Variants in B4GALT5 observed in about 807,000 individuals in gnomAD.
B4GALT5 encodes the protein beta-1,4-galactosyltransferase 5, also known as UDP-Gal:beta-GlcNAc beta-1,4-galactosyltransferase 5.
Under a neutral mutation model 45.0 loss-of-function variants are expected in B4GALT5, and 11 were observed. The ratio of observed to expected loss-of-function variants is 0.24; its 90% confidence interval spans 0.15 to 0.40. The LOEUF (loss-of-function observed/expected upper bound fraction) is 0.40. Ranked by LOEUF, B4GALT5 falls within the 10% of genes least tolerant of loss-of-function variation. The probability of loss-of-function intolerance (pLI) is 1.00; values close to 1 mark genes in which losing one functional copy is unlikely to be tolerated. For synonymous variants in B4GALT5, 185 were observed against 182.9 expected (o/e 1.01, Z -0.09); for missense variants, 337 against 500.2 (o/e 0.67, Z 3.11).
At chr20:49,663,675 GAA>G (rs869246702) in intron 1 of B4GALT5, among the ~76,000 whole-genome samples, 470 of 2,950 alleles carry the variant, frequency 0.16, 23 homozygotes, top group Non-Finnish European at 0.19. Flanking sequence ...TTCATCTCAA[GAA>G]AAAAAAAAAA....
chr20:49,675,814 G>A (rs765650909), intron 1 of B4GALT5, among the ~76,000 whole-genome samples: 5 of 152,068 alleles, frequency 3.3e-5, no homozygotes, highest in East Asian at 1.9e-4. Context: ...CCAACTGTCC[G>A]TTTCACAATT....
At chr20:49,656,778 AT>A (rs536139427) in intron 1 of B4GALT5, 76 bp from the exon 2 acceptor site, 56 of 1,517,962 alleles carry the variant, frequency 3.7e-5, no homozygotes, top group South Asian at 2.5e-4. Flanking sequence ...ATAGCTATGG[AT>A]TTTTTTTTCT....
intron 1 of B4GALT5, among the ~76,000 whole-genome samples, chr20:49,683,944 C>CA (rs975197437): frequency 1.3e-5 from 2 of 150,312 alleles, no homozygotes; most frequent in Non-Finnish European, 3.0e-5. Flanking sequence ...AGTTTGAGAC[C>CA]AGCCTGGCCA....
chr20:49,679,079 A>G (rs1600546245), intron 1 of B4GALT5, among the ~76,000 whole-genome samples: 1 of 152,218 alleles, frequency 6.6e-6, no homozygotes, highest in Non-Finnish European at 1.5e-5. Context: ...AATGGATACT[A>G]TGATCTTCCT....
chr20:49,702,509 A>T (rs2146360440), intron 1 of B4GALT5, among the ~76,000 whole-genome samples: 1 of 152,284 alleles, frequency 6.6e-6, no homozygotes, highest in African/African-American at 2.4e-5. Context: ...AATAGAAAAT[A>T]TTTGTAAATC....
intron 1 of B4GALT5, among the ~76,000 whole-genome samples, chr20:49,690,636 C>T (rs1272076394): frequency 6.6e-6 from 1 of 151,618 alleles, no homozygotes; most frequent in Non-Finnish European, 1.5e-5. Flanking sequence ...TTAATACTTA[C>T]AAAAAGTTGC....
chr20:49,647,100 G>A (rs750571813), intron 2 of B4GALT5, 22 bp from the exon 3 acceptor site: 9 of 1,524,076 alleles, frequency 5.9e-6, no homozygotes, highest in African/African-American at 5.5e-5. Flanking sequence ...AAGGAAAAAA[G>A]TCGATCAGAC....
At chr20:49,678,552 T>C (rs1255555802) in intron 1 of B4GALT5, among the ~76,000 whole-genome samples, 1 of 152,204 alleles carries the variant, frequency 6.6e-6, no homozygotes, top group Non-Finnish European at 1.5e-5. Flanking sequence ...CTGGCCAAGA[T>C]ATCTTGAAAG....
At chr20:49,669,588 C>T (rs984402413) in intron 1 of B4GALT5, among the ~76,000 whole-genome samples, 1 of 150,758 alleles carries the variant, frequency 6.6e-6, no homozygotes, top group South Asian at 2.1e-4. Context: ...CCCAGTTACT[C>T]GGGAGGCTGA....
chr20:49,645,331 C>T (rs1307794828), intron 3 of B4GALT5, among the ~76,000 whole-genome samples: 1 of 152,152 alleles, frequency 6.6e-6, no homozygotes, highest in Non-Finnish European at 1.5e-5. Flanking sequence ...TGCATAAGAT[C>T]ACAATGGAGT....
intron 1 of B4GALT5, among the ~76,000 whole-genome samples, chr20:49,703,212 T>A (rs956983285): frequency 1.5e-4 from 22 of 150,918 alleles, no homozygotes; most frequent in Non-Finnish European, 2.9e-4. Context: ...ATTATGAATG[T>A]AATTTATGCC....
intron 2 of B4GALT5, among the ~76,000 whole-genome samples, chr20:49,647,367 C>A (rs1378624520): frequency 6.6e-6 from 1 of 151,802 alleles, no homozygotes; most frequent in African/African-American, 2.4e-5. Context: ...CAGCAGTTGC[C>A]CTCCTCTCAT....
At chr20:49,643,277 C>T (rs2085584526) in intron 4 of B4GALT5, among the ~76,000 whole-genome samples, 1 of 152,154 alleles carries the variant, frequency 6.6e-6, no homozygotes, top group African/African-American at 2.4e-5. Flanking sequence ...CGCCCTCATC[C>T]CCTTGCTTTG....
chr20:49,645,204 C>T (rs543488366), intron 3 of B4GALT5, among the ~76,000 whole-genome samples: 1 of 151,678 alleles, frequency 6.6e-6, no homozygotes, highest in Middle Eastern at 3.4e-3. Context: ...GAGACCCCCA[C>T]CTCTAAGATC....
intron 1 of B4GALT5, among the ~76,000 whole-genome samples, chr20:49,682,666 C>T (rs1053982508): frequency 1.1e-4 from 17 of 152,204 alleles, no homozygotes; most frequent in African/African-American, 3.9e-4. Flanking sequence ...AAAGCATCCA[C>T]TTTCCTCTGC....
intron 8 of B4GALT5, 48 bp from the exon 9 acceptor site, chr20:49,636,507 T>G (rs751782336): frequency 3.7e-6 from 6 of 1,600,388 alleles, no homozygotes; most frequent in Non-Finnish European, 5.1e-6. Context: ...TGAGGATCCA[T>G]GCCTCTGCAG....
chr20:49,676,299 T>G (rs1460862128), intron 1 of B4GALT5, among the ~76,000 whole-genome samples: 1 of 152,168 alleles, frequency 6.6e-6, no homozygotes, highest in African/African-American at 2.4e-5. Context: ...GACTACAACC[T>G]TCTAAATTCC....
intron 1 of B4GALT5, among the ~76,000 whole-genome samples, chr20:49,678,969 A>G (rs1008529138): frequency 6.6e-6 from 1 of 152,116 alleles, no homozygotes; most frequent in African/African-American, 2.4e-5. Flanking sequence ...CATTAATTTA[A>G]TCCCTTGCCC....
intron 1 of B4GALT5, among the ~76,000 whole-genome samples, chr20:49,679,707 T>C (rs923741987): frequency 2.6e-5 from 4 of 151,990 alleles, no homozygotes; most frequent in African/African-American, 9.7e-5. Flanking sequence ...ACAAAAACCT[T>C]GTTTCACACA....
Sources: allele counts gnomAD v4.1 joint callset (sites outside exome capture counted in the v4.1 genomes callset), GRCh38; gene constraint gnomAD v4.1.1; transcripts MANE v1.5; gene names NCBI Gene and HGNC (gene_info 2026-07-23, HGNC 2026-07-21).